Variants in SWT1 observed in about 807,000 individuals in gnomAD.
The protein encoded by SWT1 is SWT1 RNA endoribonuclease homolog.
SWT1 carries 33 observed loss-of-function variants against 107.3 expected under a neutral mutation model. The ratio of observed to expected loss-of-function variants is 0.31; its 90% CI spans 0.23 to 0.41. The LOEUF (loss-of-function observed/expected upper bound fraction) is 0.41, where lower values mean the gene tolerates loss of function less well. SWT1 is among the 10% of genes least tolerant of loss of function. The pLI is 1.00. For missense variants in SWT1, 898 were observed against 1,028.9 expected, an observed-to-expected ratio of 0.87 and a Z score of 1.74; for synonymous variants, 345 against 348.3, an observed-to-expected ratio of 0.99 and a Z score of 0.11.
At chr1:185,256,150 G>C (rs1178601969) in intron 16 of SWT1, among the ~76,000 whole-genome samples, 1 of 151,388 alleles carries the variant, frequency 6.6e-6, no homozygotes, top group Non-Finnish European at 1.5e-5. Flanking sequence ...CGAGAGATCC[G>C]CTGTTAGTCT....
chr1:185,168,475 T>A (rs953283573), intron 4 of SWT1, 77 bp downstream of exon 4: 4 of 924,650 alleles, frequency 4.3e-6, no homozygotes, highest in African/African-American at 1.8e-5. Context: ...AAATTTTTTT[T>A]ATTTACTTTG....
chr1:185,196,903 G>A (rs1463543824), intron 10 of SWT1, among the ~76,000 whole-genome samples: 1 of 152,076 alleles, frequency 6.6e-6, no homozygotes, highest in Non-Finnish European at 1.5e-5. Flanking sequence ...TGCAAATAGA[G>A]ACAATTTGAC....
intron 13 of SWT1, among the ~76,000 whole-genome samples, chr1:185,213,876 A>G (rs1332971723): frequency 6.6e-6 from 1 of 152,164 alleles, no homozygotes; most frequent in African/African-American, 2.4e-5. Context: ...ATACCTTTAA[A>G]TTATTGTTTG....
chr1:185,261,688 T>A (rs1341926276), intron 16 of SWT1, among the ~76,000 whole-genome samples: 2 of 139,448 alleles, frequency 1.4e-5, no homozygotes, highest in African/African-American at 2.8e-5. Context: ...TTTTTTTTTT[T>A]AAATAGTAGT....
chr1:185,280,137 G>T (rs187233051), intron 18 of SWT1, among the ~76,000 whole-genome samples: 15 of 152,204 alleles, frequency 9.9e-5, no homozygotes, highest in African/African-American at 3.6e-4. Flanking sequence ...CCCCCATGCT[G>T]TTCTCATGGT....
intron 10 of SWT1, among the ~76,000 whole-genome samples, chr1:185,196,277 A>G (rs1657382900): frequency 6.6e-6 from 1 of 152,028 alleles, no homozygotes; most frequent in South Asian, 2.1e-4. Flanking sequence ...TGTTTTTGTC[A>G]GGTTTGTCAA....
intron 18 of SWT1, among the ~76,000 whole-genome samples, chr1:185,282,313 T>G (rs1344525724): frequency 6.6e-6 from 1 of 152,020 alleles, no homozygotes; most frequent in Non-Finnish European, 1.5e-5. Flanking sequence ...TCTGGCATTC[T>G]TAGGGCTTGG....
chr1:185,169,279 CTT>C lies in SWT1; in HGVS notation c.224+897_224+898del, dbSNP rs56786132. On this transcript the variant is annotated intron_variant, in intron 4 of 18. Coordinates refer to ENST00000367500, the MANE Select transcript of SWT1 (RefSeq NM_017673.7). ...TTTTAATGCCTTTTACACTGATATCCTTTTTTTTTTTTTTTTTAAATTTTAAG... is the reference window on the plus strand; with the variant it reads ...TTTTAATGCCTTTTACACTGATATCCTTTTTTTTTTTTTTTAAATTTTAAG... 1.7e-3 allele frequency among the ~76,000 whole-genome samples: 228 copies of C among 133,082 alleles called. 2 individuals are homozygous for C. The highest frequency in any genetic ancestry group is 5.2e-3 in the African/African-American group (186 of 36,054). The allele number at this position is 133,082 out of a possible 152,430, so 87.3% of individuals were successfully genotyped here. A position where few individuals can be genotyped will look rare whatever the true frequency, so the allele number is the denominator to read the frequency against.
chr1:185,222,602 G>C (rs1444198144), intron 15 of SWT1, among the ~76,000 whole-genome samples: 4 of 151,318 alleles, frequency 2.6e-5, no homozygotes, highest in Non-Finnish European at 4.4e-5. Flanking sequence ...ACTGAAAAAA[G>C]AAAAGTACAA....
chr1:185,217,679 T>A (rs1659325932), intron 14 of SWT1, among the ~76,000 whole-genome samples: 1 of 151,010 alleles, frequency 6.6e-6, no homozygotes, highest in South Asian at 2.1e-4. Context: ...TATTGCAACC[T>A]CCACCTCCCA....
At chr1:185,258,741 C>G (rs746874902) in intron 16 of SWT1, among the ~76,000 whole-genome samples, 6 of 151,732 alleles carry the variant, frequency 4.0e-5, no homozygotes, top group Non-Finnish European at 5.9e-5. Context: ...CAAGATTTTT[C>G]TCTGTATGTT....
chr1:185,211,243 T>C (rs1262974218), intron 13 of SWT1, among the ~76,000 whole-genome samples: 2 of 152,136 alleles, frequency 1.3e-5, no homozygotes, highest in African/African-American at 2.4e-5. Flanking sequence ...AAGACAATCC[T>C]AAGCAAAATG....
At chr1:185,232,865 G>T (rs1660596126) in intron 16 of SWT1, among the ~76,000 whole-genome samples, 5 of 152,068 alleles carry the variant, frequency 3.3e-5, no homozygotes, top group Admixed American at 3.3e-4. Flanking sequence ...ACATATTGAT[G>T]CCTGGATCCT....
rs142187806 is a variant in SWT1, at chr1:185,222,304, A to G, written c.2309+268A>G. On this transcript the variant is annotated intron_variant, in intron 15 of 18. Coordinates refer to ENST00000367500, the MANE Select transcript of SWT1 (RefSeq NM_017673.7). ...AATAACGTTCTTTTTTATGGATGAA[A>G]AGTATTCCATTGTGTATATGTACCA... 3.3e-3 allele frequency among the ~76,000 whole-genome samples: 500 copies of G among 152,252 alleles called. 4 individuals carry two copies. Among genetic ancestry groups the G allele is most frequent in the African/African-American group, 0.011 (476 of 41,552 alleles).
At chr1:185,187,636 G>A (rs916214683) in intron 9 of SWT1, among the ~76,000 whole-genome samples, 2 of 152,038 alleles carry the variant, frequency 1.3e-5, no homozygotes, top group Non-Finnish European at 2.9e-5. Flanking sequence ...TTCTGTATGT[G>A]AGTGAGGTCA....
intron 4 of SWT1, among the ~76,000 whole-genome samples, chr1:185,169,774 G>A (rs1654892258): frequency 6.6e-6 from 1 of 151,314 alleles, no homozygotes; most frequent in Non-Finnish European, 1.5e-5. Context: ...CTTCAGCCCA[G>A]GATTAATTTT....
At chr1:185,203,941 A>G (rs1158858236) in intron 11 of SWT1, among the ~76,000 whole-genome samples, 1 of 152,228 alleles carries the variant, frequency 6.6e-6, no homozygotes. Flanking sequence ...TTTCAAGGGT[A>G]GTGTGCCTTT....
chr1:185,231,498 A>T, intron 15 of SWT1, 79 bp from the exon 16 acceptor site: 1 of 1,004,556 alleles, frequency 1.0e-6, no homozygotes, highest in Non-Finnish European at 1.5e-6. Context: ...ACTTTACTTT[A>T]TACATTTGCA....
At chr1:185,199,059 TC>T (rs1433793821) in intron 10 of SWT1, among the ~76,000 whole-genome samples, 2 of 151,514 alleles carry the variant, frequency 1.3e-5, no homozygotes, top group Non-Finnish European at 2.9e-5. Flanking sequence ...TGCCTCAGCC[TC>T]CTGAGTAGCT....
Sources: gnomAD v4.1 joint callset for allele counts (sites outside exome capture counted in the v4.1 genomes callset) on GRCh38, gnomAD v4.1.1 for gene constraint, MANE v1.5 for transcripts, NCBI Gene and HGNC (gene_info 2026-07-23, HGNC 2026-07-21) for gene names.